Variants in IMMP2L observed in about 807,000 individuals in gnomAD.
The protein encoded by IMMP2L is mitochondrial inner membrane protease subunit 2.
A neutral mutation model predicts 19.3 loss-of-function variants in IMMP2L; 18 were observed. The ratio of observed to expected loss-of-function variants is 0.93; its 90% CI spans 0.64 to 1.38. The LOEUF is 1.38. IMMP2L is among the 40% of genes most tolerant of loss of function. The pLI is 0.00. For missense variants in IMMP2L, 233 were observed against 218.2 expected (o/e 1.07, Z -0.43); for synonymous variants, 76 against 73.0 (o/e 1.04, Z -0.21).
chr7:111,510,567 C>T (rs1320489506), intron 2 of IMMP2L, among the ~76,000 whole-genome samples: 1 of 152,104 alleles, frequency 6.6e-6, no homozygotes. Flanking sequence ...CATATACAAA[C>T]TAACCAATCC....
At chr7:111,045,744 T>TAGAGCCTCC (rs1447134421) in intron 3 of IMMP2L, among the ~76,000 whole-genome samples, 2 of 152,206 alleles carry the variant, frequency 1.3e-5, no homozygotes, top group Non-Finnish European at 2.9e-5. Flanking sequence ...AATTCTCCCC[T>TAGAGCCTCC]AGAGCCTCCA....
At chr7:110,950,067 C>G in intron 4 of IMMP2L, among the ~76,000 whole-genome samples, 1 of 152,136 alleles carries the variant, frequency 6.6e-6, no homozygotes, top group East Asian at 1.9e-4. Flanking sequence ...TATTTCACTA[C>G]GTTTCTTTCT....
chr7:111,455,609 G>T (rs1839614749), intron 3 of IMMP2L, among the ~76,000 whole-genome samples: 1 of 144,352 alleles, frequency 6.9e-6, no homozygotes, highest in Non-Finnish European at 1.5e-5. Flanking sequence ...TATATCCCTA[G>T]AAGCAAAAAG....
intron 3 of IMMP2L, among the ~76,000 whole-genome samples, chr7:111,083,196 T>C (rs1796028250): frequency 6.6e-6 from 1 of 152,210 alleles, no homozygotes; most frequent in African/African-American, 2.4e-5. Flanking sequence ...AGCTGGATAA[T>C]ACAATTGTCA....
intron 5 of IMMP2L, among the ~76,000 whole-genome samples, chr7:110,725,490 A>G (rs1795828542): frequency 6.6e-6 from 1 of 152,064 alleles, no homozygotes; most frequent in Non-Finnish European, 1.5e-5. Context: ...CAAATTTTTA[A>G]AAGAATATTC....
intron 5 of IMMP2L, among the ~76,000 whole-genome samples, chr7:110,736,599 A>G (rs138976300): frequency 6.6e-6 from 1 of 151,834 alleles, no homozygotes; most frequent in East Asian, 2.0e-4. Flanking sequence ...GAAAGCAGAC[A>G]TAGAGTCAAA....
chr7:111,145,396 T>C (rs567994052), intron 3 of IMMP2L, among the ~76,000 whole-genome samples: 1 of 152,184 alleles, frequency 6.6e-6, no homozygotes, highest in East Asian at 1.9e-4. Context: ...CCTATTTAAA[T>C]GAAAACAATG....
intron 3 of IMMP2L, among the ~76,000 whole-genome samples, chr7:111,289,227 A>T (rs920410178): frequency 7.9e-5 from 12 of 151,236 alleles, no homozygotes; most frequent in Non-Finnish European, 1.6e-4. Context: ...ATGAGAACAC[A>T]TGGACACAGG....
chr7:111,255,135 C>T (rs906304702), intron 3 of IMMP2L, among the ~76,000 whole-genome samples: 5 of 152,012 alleles, frequency 3.3e-5, no homozygotes, highest in African/African-American at 1.2e-4. Flanking sequence ...CCCACCGATA[C>T]ATATTTTAAA....
intron 3 of IMMP2L, among the ~76,000 whole-genome samples, chr7:110,963,962 G>C (rs531571828): frequency 1.4e-5 from 2 of 145,146 alleles, no homozygotes; most frequent in Admixed American, 1.4e-4. Context: ...GGACCTGGTG[G>C]GAGGTGACTG....
chr7:110,664,638 G>A (rs1791318295), intron 5 of IMMP2L, among the ~76,000 whole-genome samples: 6 of 152,120 alleles, frequency 3.9e-5, no homozygotes, highest in African/African-American at 7.2e-5. Flanking sequence ...CTTATCTTAA[G>A]AGATTACCCT....
rs556493044 is a variant in IMMP2L, at chr7:110,765,903, T to C, written c.409-102182A>G. 1.8e-4 allele frequency among the ~76,000 whole-genome samples: 28 copies of C among 152,314 alleles called. 1 individual carries two copies. The South Asian group carries it at 5.8e-3, about 32-fold the overall frequency. The stretch of plus-strand genomic sequence containing the variant: ...AAACTGTTTTTGCTAGTGCTGTAGT[T>C]ACAAAGCTGTGTAAGTTTTGAGTGG... On this transcript the variant is annotated intron_variant, in intron 5 of 5. Coordinates refer to ENST00000405709, the MANE Select transcript of IMMP2L (RefSeq NM_032549.4).
At chr7:111,197,228 C>T (rs1328938634) in intron 3 of IMMP2L, among the ~76,000 whole-genome samples, 1 of 152,040 alleles carries the variant, frequency 6.6e-6, no homozygotes, top group Non-Finnish European at 1.5e-5. Context: ...TTTGGAAGGC[C>T]AAGGTGGGCG....
At chr7:110,749,334 T>G (rs945000585) in intron 5 of IMMP2L, among the ~76,000 whole-genome samples, 2 of 152,196 alleles carry the variant, frequency 1.3e-5, no homozygotes, top group African/African-American at 4.8e-5. Flanking sequence ...GAAGACAGTG[T>G]GGCGATTCCT....
At chr7:110,926,405 G>GTT (rs2129551119) in intron 4 of IMMP2L, among the ~76,000 whole-genome samples, 1 of 152,104 alleles carries the variant, frequency 6.6e-6, no homozygotes, top group African/African-American at 2.4e-5. Flanking sequence ...TGTCTGAAGT[G>GTT]TTTTCATCTA....
At chr7:111,286,148 G>A (rs552420159) in intron 3 of IMMP2L, among the ~76,000 whole-genome samples, 1 of 152,208 alleles carries the variant, frequency 6.6e-6, no homozygotes, top group South Asian at 2.1e-4. Flanking sequence ...AATAAGAGAA[G>A]AAGATGGAGT....
intron 4 of IMMP2L, among the ~76,000 whole-genome samples, chr7:110,892,235 T>G (rs897251775): frequency 1.3e-5 from 2 of 152,120 alleles, no homozygotes; most frequent in African/African-American, 4.8e-5. Flanking sequence ...ACTGAACTCA[T>G]ATCGCAGGAA....
intron 3 of IMMP2L, among the ~76,000 whole-genome samples, chr7:111,420,873 G>A (rs1400729116): frequency 6.6e-6 from 1 of 151,766 alleles, no homozygotes; most frequent in Non-Finnish European, 1.5e-5. Flanking sequence ...ACATACGTGT[G>A]CATGTGCCTT....
intron 5 of IMMP2L, among the ~76,000 whole-genome samples, chr7:110,814,378 C>T (rs1331210124): frequency 6.6e-6 from 1 of 150,870 alleles, no homozygotes; most frequent in African/African-American, 2.4e-5. Context: ...GCATTGTTCT[C>T]TATTTACTCC....
Sources: allele counts gnomAD v4.1 joint callset (sites outside exome capture counted in the v4.1 genomes callset), GRCh38; gene constraint gnomAD v4.1.1; transcripts MANE v1.5; gene names NCBI Gene and HGNC (gene_info 2026-07-23, HGNC 2026-07-21).